ITGA1: variants seen among roughly 807,000 people sequenced by gnomAD.
ITGA1 encodes integrin alpha-1.
A neutral mutation model predicts 145.9 loss-of-function variants in ITGA1; 85 were observed. That is an observed-to-expected ratio of 0.58 (90% CI 0.49 to 0.70). The LOEUF (loss-of-function observed/expected upper bound fraction) is 0.70. Ranked by LOEUF, ITGA1 falls within the 30% of genes least tolerant of loss-of-function variation. The pLI, the probability that ITGA1 is intolerant of heterozygous loss-of-function variation, is 0.00. For synonymous variants in ITGA1, 520 were observed against 495.3 expected (o/e 1.05, Z -0.66); for missense variants, 1,351 against 1,418.7 (o/e 0.95, Z 0.77).
intron 14 of ITGA1, among the ~76,000 whole-genome samples, chr5:52,910,656 G>A (rs1250351786): frequency 1.4e-5 from 2 of 146,378 alleles, no homozygotes; most frequent in South Asian, 2.2e-4. Context: ...TATATAATGT[G>A]TATATAGTAT....
At chr5:52,890,201 C>T (rs1449360864) in intron 8 of ITGA1, among the ~76,000 whole-genome samples, 1 of 152,206 alleles carries the variant, frequency 6.6e-6, no homozygotes, top group Admixed American at 6.5e-5. Flanking sequence ...CCACTTTCTA[C>T]ATTCCTCAAC....
At chr5:52,809,557 G>C (rs1435516205) in intron 1 of ITGA1, among the ~76,000 whole-genome samples, 1 of 147,716 alleles carries the variant, frequency 6.8e-6, no homozygotes, top group African/African-American at 2.5e-5. Context: ...CCAGGCTGGA[G>C]TGCAGTGGCC....
chr5:52,816,579 G>C (rs1748778795), intron 1 of ITGA1, among the ~76,000 whole-genome samples: 1 of 152,130 alleles, frequency 6.6e-6, no homozygotes, highest in South Asian at 2.1e-4. Flanking sequence ...TCACTCACAG[G>C]CTGAAGGAGT....
chr5:52,884,105 CT>C (rs779632689), intron 7 of ITGA1, among the ~76,000 whole-genome samples: 15 of 152,276 alleles, frequency 9.9e-5, no homozygotes, highest in Non-Finnish European at 1.9e-4. Flanking sequence ...CTGTTAAAGA[CT>C]AACATGTAAC....
chr5:52,850,696 A>G (rs1333713419), intron 2 of ITGA1, among the ~76,000 whole-genome samples: 2 of 152,204 alleles, frequency 1.3e-5, no homozygotes, highest in African/African-American at 4.8e-5. Context: ...TATGCTAGGT[A>G]TAAACTAGAA....
At chr5:52,920,571 C>A in intron 17 of ITGA1, 103 bp downstream of exon 17, 1 of 946,174 alleles carries the variant, frequency 1.1e-6, no homozygotes, top group Non-Finnish European at 1.5e-6. Flanking sequence ...TTTCAAAATG[C>A]ACTTATGATG....
At chr5:52,873,904 G>C (rs958979265) in intron 6 of ITGA1, among the ~76,000 whole-genome samples, 10 of 151,954 alleles carry the variant, frequency 6.6e-5, no homozygotes, top group South Asian at 6.2e-4. Context: ...TTAAAATTTG[G>C]GTGCTGGTGT....
At chr5:52,910,754 A>G (rs1750495961) in intron 14 of ITGA1, among the ~76,000 whole-genome samples, 2 of 145,868 alleles carry the variant, frequency 1.4e-5, no homozygotes, top group Admixed American at 7.0e-5. Flanking sequence ...AGTGTTCCTT[A>G]TAGATTAATT....
At chr5:52,839,412 T>C (rs1369670249) in intron 1 of ITGA1, among the ~76,000 whole-genome samples, 1 of 152,206 alleles carries the variant, frequency 6.6e-6, no homozygotes, top group Non-Finnish European at 1.5e-5. Context: ...ATTGCACTAT[T>C]AGGGAAAGGG....
At position 52,939,681 on chromosome 5, in the gene ITGA1, G is replaced by A. The variant is rs1751024127; in HGVS notation, c.3170G>A (p.Gly1057Asp). 6.2e-7 allele frequency: 1 copy of A among 1,608,686 alleles called. No homozygotes were observed. The highest frequency in any genetic ancestry group is 8.5e-7 in the Non-Finnish European group (1 of 1,175,568). ...MTTSTDHLKR[G>D]TILDCNTCKF... ...ACATCAACTGACCATCTCAAACGAG[G>A]CACAATTCTGGTAAATTAAGACAAG... The change falls in exon 25 of 29, where the codon GGC becomes GAC. Residue 1057 changes from glycine (G) to aspartate (D), a missense_variant. Transcript: ENST00000282588.
chr5:52,800,631 C>T (rs779717661), intron 1 of ITGA1: 6 of 1,613,874 alleles, frequency 3.7e-6, no homozygotes, highest in Non-Finnish European at 5.1e-6. Flanking sequence ...CTCAAGCCTG[C>T]CAGCTGCGGG....
intron 1 of ITGA1, among the ~76,000 whole-genome samples, chr5:52,819,199 C>T (rs936326607): frequency 1.7e-4 from 26 of 152,306 alleles, no homozygotes; most frequent in Admixed American, 1.7e-3. Flanking sequence ...ATTTCTAGTT[C>T]TAGATCCCTG....
At chr5:52,795,069 A>T (rs1332708352) in intron 1 of ITGA1, among the ~76,000 whole-genome samples, 1 of 151,974 alleles carries the variant, frequency 6.6e-6, no homozygotes, top group Non-Finnish European at 1.5e-5. Context: ...TAACATTATA[A>T]AACAGAATGT....
intron 1 of ITGA1, among the ~76,000 whole-genome samples, chr5:52,831,758 C>T (rs978928104): frequency 1.1e-4 from 1 of 9,172 alleles, no homozygotes; most frequent in African/African-American, 2.1e-4. Context: ...TCTACCTTTC[C>T]TTTCACATGG....
Position 52,788,276 on chromosome 5 carries a change from A to C in ITGA1, c.-78A>C. 2 of 1,179,654 alleles carry C rather than the reference A, an allele frequency of 1.7e-6. No homozygotes were observed. The highest frequency in any genetic ancestry group is 2.2e-6 in the Non-Finnish European group (2 of 889,672). 73.1% of individuals were successfully genotyped at this position (1,179,654 alleles called of 1,614,324 possible). A position where few individuals can be genotyped will look rare whatever the true frequency, so the allele number is the denominator to read the frequency against. On this transcript the variant is annotated 5_prime_UTR_variant, in exon 1 of 29. Coordinates refer to ENST00000282588, the MANE Select transcript of ITGA1 (RefSeq NM_181501.2). ...ACCGCGGCAGCGGGATAAGTGGCCCAGCCAGAGAGCGCAGCTCCCGCGCCC... is the reference window on the plus strand; with the variant it reads ...ACCGCGGCAGCGGGATAAGTGGCCCCGCCAGAGAGCGCAGCTCCCGCGCCC...
At chr5:52,855,137 T>C (rs1238169593) in intron 2 of ITGA1, among the ~76,000 whole-genome samples, 1 of 152,160 alleles carries the variant, frequency 6.6e-6, no homozygotes, top group Non-Finnish European at 1.5e-5. Flanking sequence ...GACAGGAAAC[T>C]GAGACAGAGA....
Position 52,929,676 on chromosome 5 carries a change from G to A in ITGA1, c.2746G>A (p.Val916Met). 2.5e-6 allele frequency: 4 copies of A among 1,588,944 alleles called. No individual in the cohort carries two copies. The highest frequency in any genetic ancestry group is 1.1e-5 in the South Asian group (1 of 89,464). The change falls in exon 21 of 29, where the codon GTG (valine) becomes ATG (methionine). Residue 916 changes from valine (V) to methionine (M), a missense_variant. Val to Met is a conservative substitution (Grantham distance 21, BLOSUM62 1). Coordinates refer to ENST00000282588, the MANE Select transcript of ITGA1 (RefSeq NM_181501.2). The part of the protein sequence containing the change: ...QFNTSYLMEN[V>M]TIYLSATSDS... ...TAACACATCCTATCTCATGGAAAAT[G>A]TGACCATTTATTTAAGTGCAACAAG... is the stretch of plus-strand genomic sequence containing the variant.
chr5:52,864,703 T>C, intron 3 of ITGA1, 60 bp from the exon 4 acceptor site: 1 of 992,018 alleles, frequency 1.0e-6, no homozygotes, highest in South Asian at 1.4e-5. Flanking sequence ...TAATGAGAGA[T>C]GCTTAAAATT....
intron 1 of ITGA1, among the ~76,000 whole-genome samples, chr5:52,822,340 C>T (rs999152228): frequency 1.3e-5 from 2 of 152,182 alleles, no homozygotes; most frequent in East Asian, 1.9e-4. Flanking sequence ...ATTTGAGCTT[C>T]GATTTTACTT....
Sources: allele counts gnomAD v4.1 joint callset (sites outside exome capture counted in the v4.1 genomes callset), GRCh38; gene constraint gnomAD v4.1.1; transcripts MANE v1.5; gene names NCBI Gene and HGNC (gene_info 2026-07-23, HGNC 2026-07-21).